The following RSBN1L variants were observed in gnomAD, a reference collection of about 807,000 sequenced individuals.
RSBN1L encodes the protein lysine-specific demethylase RSBN1L.
In RSBN1L, 30 loss-of-function variants were observed where a neutral mutation model predicts 67.7. The ratio of observed to expected loss-of-function variants is 0.44; its 90% CI spans 0.33 to 0.60. The LOEUF (loss-of-function observed/expected upper bound fraction) is 0.60, where lower values mean the gene tolerates loss of function less well. Ranked by LOEUF, RSBN1L falls within the 20% of genes least tolerant of loss-of-function variation. RSBN1L has a pLI of 0.02. For synonymous variants in RSBN1L, 433 were observed against 387.0 expected, an observed-to-expected ratio of 1.12 and a Z score of -1.39; for missense variants, 992 against 1,031.7, an observed-to-expected ratio of 0.96 and a Z score of 0.53.
intron 1 of RSBN1L, among the ~76,000 whole-genome samples, chr7:77,705,713 T>C (rs1790883051): frequency 6.6e-6 from 1 of 151,644 alleles, no homozygotes; most frequent in African/African-American, 2.4e-5. Flanking sequence ...GGTTTCACCA[T>C]GTTGACCAGG....
intron 1 of RSBN1L, among the ~76,000 whole-genome samples, chr7:77,709,938 TTTGTCTTGCTATGTATGTTCC>T (rs1287286685): frequency 6.6e-6 from 1 of 152,202 alleles, no homozygotes; most frequent in Non-Finnish European, 1.5e-5. Context: ...TTTATCCAGA[TTTGTCTTGCTATGTATGTTCC>T]TTGTCTCAGT....
In RSBN1L at chr7:77,727,589, G is replaced by A. The variant is rs1471790264; in HGVS notation, c.587-8821G>A. Among the ~76,000 whole-genome samples the A allele has an allele frequency of 5.3e-5, 8 of 151,642 alleles. No individual in the cohort carries two copies. In the South Asian group the frequency reaches 1.7e-3, roughly 32 times the overall value. On this transcript the variant is annotated intron_variant, in intron 1 of 7. Transcript: ENST00000334955. Reference sequence around the variant, plus strand: ...GGCTCAGTTAGTAGCAGGGACTACAGGCCTGTCCCACCTTACTCAGCTAAT... The same window carrying A: ...GGCTCAGTTAGTAGCAGGGACTACAAGCCTGTCCCACCTTACTCAGCTAAT...
rs564964629 is a variant in RSBN1L at position 77,757,102 on chromosome 7, A to G, written c.1344+7038A>G. Among the ~76,000 whole-genome samples, 23 of 152,350 alleles carry G rather than the reference A, an allele frequency of 1.5e-4. No individual in the cohort carries two copies. In the South Asian group the frequency reaches 3.9e-3, roughly 26 times the overall value. Reference sequence around the variant, plus strand: ...CAAAATAATTTGCTTTAAATTCTGTAGAAACTAAAAGATGACAAATTATGT... The same window carrying G: ...CAAAATAATTTGCTTTAAATTCTGTGGAAACTAAAAGATGACAAATTATGT... On this transcript the variant is annotated intron_variant, in intron 3 of 7. Coordinates refer to ENST00000334955, the MANE Select transcript of RSBN1L (RefSeq NM_198467.3).
At chr7:77,707,541 C>G (rs1184499647) in intron 1 of RSBN1L, among the ~76,000 whole-genome samples, 1 of 152,072 alleles carries the variant, frequency 6.6e-6, no homozygotes, top group African/African-American at 2.4e-5. Flanking sequence ...ATATTTAACT[C>G]AGAGCCACTT....
chr7:77,731,248 C>T (rs1791267778), intron 1 of RSBN1L, among the ~76,000 whole-genome samples: 1 of 152,050 alleles, frequency 6.6e-6, no homozygotes, highest in Admixed American at 6.6e-5. Context: ...GGGTCTCACT[C>T]GTTCATCCAG....
At chr7:77,765,289 T>C (rs751257685) in intron 3 of RSBN1L, among the ~76,000 whole-genome samples, 2 of 152,226 alleles carry the variant, frequency 1.3e-5, no homozygotes, top group Non-Finnish European at 1.5e-5. Flanking sequence ...CTTGATTTAG[T>C]GCAAGTTTTA....
chr7:77,717,105 T>G (rs1015650000), intron 1 of RSBN1L, among the ~76,000 whole-genome samples: 2 of 152,072 alleles, frequency 1.3e-5, no homozygotes, highest in African/African-American at 4.8e-5. Flanking sequence ...GGACTACAGG[T>G]GAGCGACACC....
At chr7:77,698,423 C>T (rs1790770117) in intron 1 of RSBN1L, among the ~76,000 whole-genome samples, 1 of 152,182 alleles carries the variant, frequency 6.6e-6, no homozygotes, top group Non-Finnish European at 1.5e-5. Flanking sequence ...TGTCCATATG[C>T]AGCTTGGTAT....
rs765293234 is a variant in RSBN1L at position 77,778,538 on chromosome 7, A to G, written c.1911A>G (p.Gln637=). The part of the protein sequence containing the change: ...LHEPPLSQCV[Q]WVDDAKLNQL... The stretch of plus-strand genomic sequence containing the variant: ...GTTTTATTATTTTTTAGTGTGTCCA[A>G]TGGGTTGATGATGCAAAACTGAATC... Residue 637 remains glutamine, a synonymous_variant, in exon 8 of 8, where the codon CAA becomes CAG. Transcript: ENST00000334955. 1.1e-5 allele frequency: 18 copies of G among 1,610,748 alleles called. No homozygotes were observed. The highest frequency in any genetic ancestry group is 1.0e-4 in the Admixed American group (6 of 59,672).
intron 3 of RSBN1L, among the ~76,000 whole-genome samples, chr7:77,762,356 C>G (rs562013849): frequency 6.6e-6 from 1 of 152,224 alleles, no homozygotes; most frequent in Non-Finnish European, 1.5e-5. Flanking sequence ...AGTGCCCAAA[C>G]TAGACAGAGA....
At chr7:77,700,733 T>G (rs1246590518) in intron 1 of RSBN1L, among the ~76,000 whole-genome samples, 1 of 152,240 alleles carries the variant, frequency 6.6e-6, no homozygotes, top group Non-Finnish European at 1.5e-5. Flanking sequence ...CTCATTTTTT[T>G]CATTTGCTTA....
chr7:77,743,692 T>G (rs1791444299), intron 2 of RSBN1L, among the ~76,000 whole-genome samples: 2 of 152,124 alleles, frequency 1.3e-5, no homozygotes, highest in African/African-American at 4.8e-5. Flanking sequence ...TCAAATGAAG[T>G]TTTATTCATT....
At chr7:77,702,346 G>T (rs1790829803) in intron 1 of RSBN1L, among the ~76,000 whole-genome samples, 1 of 152,118 alleles carries the variant, frequency 6.6e-6, no homozygotes, top group Non-Finnish European at 1.5e-5. Context: ...TTTTTCATGG[G>T]TGCAACGTTT....
At chr7:77,713,612 T>C (rs1791006100) in intron 1 of RSBN1L, among the ~76,000 whole-genome samples, 1 of 151,742 alleles carries the variant, frequency 6.6e-6, no homozygotes, top group Non-Finnish European at 1.5e-5. Flanking sequence ...CACCTTGGCC[T>C]CCCAAAGTGC....
chr7:77,701,603 G>A (rs1790819255), intron 1 of RSBN1L, among the ~76,000 whole-genome samples: 1 of 150,576 alleles, frequency 6.6e-6, no homozygotes, highest in South Asian at 2.1e-4. Context: ...TTTTTCTTTG[G>A]TGTTTTTCTT....
intron 1 of RSBN1L, among the ~76,000 whole-genome samples, chr7:77,697,616 G>A (rs1790757393): frequency 6.6e-6 from 1 of 152,226 alleles, no homozygotes; most frequent in South Asian, 2.1e-4. Context: ...GTTTCGTAAG[G>A]TACCCTCCCT....
chr7:77,697,992 A>G (rs754855476), intron 1 of RSBN1L, among the ~76,000 whole-genome samples: 4 of 152,254 alleles, frequency 2.6e-5, no homozygotes, highest in Non-Finnish European at 5.9e-5. Context: ...CATAATCTTT[A>G]TTATAAATGT....
At chr7:77,740,681 A>C (rs1178098767) in intron 2 of RSBN1L, among the ~76,000 whole-genome samples, 2 of 152,224 alleles carry the variant, frequency 1.3e-5, no homozygotes, top group Non-Finnish European at 2.9e-5. Context: ...TTAGTGGTAG[A>C]ATTAACTCAA....
chr7:77,729,279 A>G (rs1197796270), intron 1 of RSBN1L, among the ~76,000 whole-genome samples: 2 of 152,158 alleles, frequency 1.3e-5, no homozygotes, highest in South Asian at 2.1e-4. Context: ...GAGGTGGTGA[A>G]CAAGAATTTC....
Sources: gnomAD v4.1 joint callset for allele counts (sites outside exome capture counted in the v4.1 genomes callset) on GRCh38, gnomAD v4.1.1 for gene constraint, MANE v1.5 for transcripts, NCBI Gene and HGNC (gene_info 2026-07-23, HGNC 2026-07-21) for gene names.